Variants in CENPP observed in about 807,000 individuals in gnomAD.
The protein encoded by CENPP is centromere protein P.
In CENPP, 24 loss-of-function variants were observed where a neutral mutation model predicts 35.6. That is an observed-to-expected ratio of 0.67 (90% CI 0.49 to 0.95). The LOEUF (loss-of-function observed/expected upper bound fraction) is 0.95, where lower values mean the gene tolerates loss of function less well. CENPP is among the 40% of genes least tolerant of loss of function. The pLI is 0.00. For synonymous variants in CENPP, 120 were observed against 125.5 expected, an observed-to-expected ratio of 0.96 and a Z score of 0.29; for missense variants, 332 against 345.3, an observed-to-expected ratio of 0.96 and a Z score of 0.31.
At chr9:92,492,244 A>T (rs1846192058) in intron 5 of CENPP, among the ~76,000 whole-genome samples, 1 of 152,224 alleles carries the variant, frequency 6.6e-6, no homozygotes, top group South Asian at 2.1e-4. Flanking sequence ...TTTGTGGCTT[A>T]AATTTTCATA....
intron 5 of CENPP, among the ~76,000 whole-genome samples, chr9:92,503,123 AAC>A (rs764669045): frequency 1.5e-4 from 23 of 152,206 alleles, no homozygotes; most frequent in Non-Finnish European, 2.1e-4. Flanking sequence ...AGTAAAATAA[AAC>A]ACACTGCCAT....
chr9:92,420,285 C>T (rs1470969836), intron 5 of CENPP, among the ~76,000 whole-genome samples: 2 of 152,180 alleles, frequency 1.3e-5, no homozygotes, highest in Non-Finnish European at 2.9e-5. Context: ...TCATCCATAC[C>T]TCCCAACATT....
intron 4 of CENPP, among the ~76,000 whole-genome samples, chr9:92,378,882 G>T (rs1375252140): frequency 6.6e-6 from 1 of 152,142 alleles, no homozygotes; most frequent in African/African-American, 2.4e-5. Context: ...GTCACCAACT[G>T]GATGTCCTGC....
intron 4 of CENPP, among the ~76,000 whole-genome samples, chr9:92,367,447 G>A (rs370397150): frequency 5.9e-5 from 9 of 152,072 alleles, no homozygotes; most frequent in South Asian, 4.1e-4. Flanking sequence ...GATTACAGGC[G>A]TGAGCCACCA....
intron 4 of CENPP, among the ~76,000 whole-genome samples, chr9:92,360,958 C>T (rs533074463): frequency 1.2e-4 from 18 of 152,112 alleles, no homozygotes; most frequent in African/African-American, 2.2e-4. Context: ...CCGCCCGCCT[C>T]GGCCTCCCAA....
chr9:92,372,104 T>C (rs1842024819), intron 4 of CENPP, among the ~76,000 whole-genome samples: 1 of 121,812 alleles, frequency 8.2e-6, no homozygotes. Flanking sequence ...GCCATCTTTT[T>C]TTTTTTTTTT....
intron 5 of CENPP, chr9:92,385,632 C>G: frequency 6.2e-7 from 1 of 1,613,924 alleles, no homozygotes; most frequent in Non-Finnish European, 8.5e-7. Flanking sequence ...AAAAGTATGA[C>G]CCTATCGGTA....
rs376323161 is a variant in CENPP at position 92,416,880 on chromosome 9, T to C, written c.564+37021T>C. On this transcript the variant is annotated intron_variant, in intron 5 of 7. Transcript: ENST00000375587. Reference sequence around the variant, plus strand: ...AGTGAAGAAGGCAAACCAGGAGGCATTGATTCTAATCTGTTACTGCAGAGG... The same window carrying C: ...AGTGAAGAAGGCAAACCAGGAGGCACTGATTCTAATCTGTTACTGCAGAGG... 6.2e-6 allele frequency: 10 copies of C among 1,613,914 alleles called. No homozygotes were observed. The highest frequency in any genetic ancestry group is 8.5e-6 in the Non-Finnish European group (10 of 1,179,966).
intron 5 of CENPP, among the ~76,000 whole-genome samples, chr9:92,563,126 T>C (rs1849886349): frequency 6.6e-6 from 1 of 152,208 alleles, no homozygotes; most frequent in Non-Finnish European, 1.5e-5. Context: ...ATAAGAATTG[T>C]ATTGTGGAAA....
chr9:92,479,935 G>C (rs181248548), intron 5 of CENPP, among the ~76,000 whole-genome samples: 3 of 152,268 alleles, frequency 2.0e-5, no homozygotes. Context: ...GAATGTCTAG[G>C]AGAGAACCCT....
chr9:92,396,919 T>C (rs537082996), intron 5 of CENPP, among the ~76,000 whole-genome samples: 1 of 152,250 alleles, frequency 6.6e-6, no homozygotes, highest in East Asian at 1.9e-4. Flanking sequence ...CTCATATATG[T>C]AATCTTGGCA....
chr9:92,350,875 TC>T (rs1375431711), intron 4 of CENPP, among the ~76,000 whole-genome samples: 7 of 152,148 alleles, frequency 4.6e-5, no homozygotes, highest in African/African-American at 1.7e-4. Flanking sequence ...GGTCTCAAAC[TC>T]CTAGGCTCAA....
At chr9:92,484,887 C>T (rs1187974250) in intron 5 of CENPP, among the ~76,000 whole-genome samples, 1 of 152,238 alleles carries the variant, frequency 6.6e-6, no homozygotes, top group Admixed American at 6.5e-5. Context: ...CACTGTGAGA[C>T]TTAAGCTAGT....
At chr9:92,361,747 G>C (rs1233802192) in intron 4 of CENPP, among the ~76,000 whole-genome samples, 1 of 152,160 alleles carries the variant, frequency 6.6e-6, no homozygotes, top group East Asian at 1.9e-4. Flanking sequence ...CTCCCAAAGT[G>C]CTGGGATTAC....
At chr9:92,522,539 C>G in intron 5 of CENPP, 2 of 1,531,426 alleles carry the variant, frequency 1.3e-6, no homozygotes, top group Non-Finnish European at 8.8e-7. Context: ...TCACCCTCCT[C>G]CCTCTTTCTG....
intron 5 of CENPP, among the ~76,000 whole-genome samples, chr9:92,416,052 A>ATGTGTGTG (rs1292606240): frequency 5.5e-5 from 5 of 90,674 alleles, no homozygotes; most frequent in East Asian, 7.3e-4. Flanking sequence ...TATATTATAT[A>ATGTGTGTG]TGTGTGTATA....
intron 5 of CENPP, among the ~76,000 whole-genome samples, chr9:92,399,394 C>T (rs375015797): frequency 4.6e-5 from 7 of 151,756 alleles, no homozygotes; most frequent in South Asian, 2.1e-4. Flanking sequence ...CTCTTTTCCT[C>T]GATTTTTAAG....
intron 5 of CENPP, among the ~76,000 whole-genome samples, chr9:92,519,196 T>C (rs149906507): frequency 1.1e-4 from 16 of 152,308 alleles, no homozygotes; most frequent in African/African-American, 3.8e-4. Flanking sequence ...AATAGGCTAA[T>C]CCCACCTACC....
intron 5 of CENPP, among the ~76,000 whole-genome samples, chr9:92,391,261 G>A (rs1842669287): frequency 6.6e-6 from 1 of 151,080 alleles, no homozygotes; most frequent in South Asian, 2.1e-4. Flanking sequence ...AAAAAAATTA[G>A]CCAGGCGTGG....
Sources: allele counts gnomAD v4.1 joint callset (sites outside exome capture counted in the v4.1 genomes callset), GRCh38; gene constraint gnomAD v4.1.1; transcripts MANE v1.5; gene names NCBI Gene and HGNC (gene_info 2026-07-23, HGNC 2026-07-21).